Variants in TBC1D5 observed in about 807,000 individuals in gnomAD.
The protein encoded by TBC1D5 is TBC1 domain family member 5.
A neutral mutation model predicts 100.3 loss-of-function variants in TBC1D5; 75 were observed. The ratio of observed to expected loss-of-function variants is 0.75; its 90% CI spans 0.62 to 0.91. The LOEUF (loss-of-function observed/expected upper bound fraction) is 0.91. Among genes scored for constraint, TBC1D5 ranks in the 40% least tolerant of loss-of-function variants. TBC1D5 has a pLI of 0.00. For synonymous variants in TBC1D5, 323 were observed against 325.6 expected (o/e 0.99, Z 0.09); for missense variants, 910 against 942.4 (o/e 0.97, Z 0.45).
At chr3:17,401,250 TA>T (rs1457912087) in intron 8 of TBC1D5, among the ~76,000 whole-genome samples, 1 of 150,030 alleles carries the variant, frequency 6.7e-6, no homozygotes, top group African/African-American at 2.4e-5. Context: ...TGTATGTGTA[TA>T]ATATACATAT....
intron 3 of TBC1D5, among the ~76,000 whole-genome samples, chr3:17,480,282 G>T (rs1008074439): frequency 4.6e-5 from 7 of 152,190 alleles, no homozygotes; most frequent in Non-Finnish European, 8.8e-5. Context: ...ATGACATGCT[G>T]ATGGTGGCAG....
rs9869511 is a variant in TBC1D5 at position 17,705,653 on chromosome 3, G to A, written c.-101+33690C>T. Reference sequence around the variant, plus strand: ...GCTCCCCACATCTCAGACGATGGGCGGCCGGGCAGAGACGCTCCTCACTTC... The same window carrying A: ...GCTCCCCACATCTCAGACGATGGGCAGCCGGGCAGAGACGCTCCTCACTTC... On this transcript the variant is annotated intron_variant, in intron 1 of 21. Coordinates refer to ENST00000253692, the Ensembl canonical transcript of TBC1D5. Among the ~76,000 whole-genome samples, 110 of 134,594 alleles carry A rather than the reference G, an allele frequency of 8.2e-4. 1 individual carries two copies. The highest frequency in any genetic ancestry group is 2.8e-3 in the African/African-American group (99 of 35,960). 88.3% of individuals were successfully genotyped at this position (134,594 alleles called of 152,430 possible). A position where few individuals can be genotyped will look rare whatever the true frequency, so the allele number is the denominator to read the frequency against.
chr3:17,636,531 C>G (rs1418202972), intron 1 of TBC1D5, among the ~76,000 whole-genome samples: 1 of 152,176 alleles, frequency 6.6e-6, no homozygotes, highest in Non-Finnish European at 1.5e-5. Flanking sequence ...GTGGCTCACG[C>G]CTGTAATCCC....
chr3:17,387,232 T>G (rs951205533), intron 8 of TBC1D5, among the ~76,000 whole-genome samples: 2 of 152,112 alleles, frequency 1.3e-5, no homozygotes, highest in African/African-American at 4.8e-5. Flanking sequence ...GCTGAGTCTT[T>G]GGAGATTATC....
chr3:17,172,547 A>G (rs990274819), intron 19 of TBC1D5, among the ~76,000 whole-genome samples: 2 of 152,202 alleles, frequency 1.3e-5, no homozygotes, highest in Admixed American at 1.3e-4. Context: ...ACTCTTTATA[A>G]TCTCCTCACA....
rs147726203 is a variant in TBC1D5 at position 17,492,181 on chromosome 3, A to G, written c.97+16293T>C. On this transcript the variant is annotated intron_variant, in intron 3 of 21. Transcript: ENST00000253692. Reference sequence around the variant, plus strand: ...TTTTATTGTCTCTGTTTTCTTCTCTATTAGTCTAGCTAGCAGTCTATCTAT... The same window carrying G: ...TTTTATTGTCTCTGTTTTCTTCTCTGTTAGTCTAGCTAGCAGTCTATCTAT... 2.6e-3 allele frequency among the ~76,000 whole-genome samples: 397 copies of G among 151,928 alleles called. 2 individuals carry two copies. Among genetic ancestry groups the G allele is most frequent in the African/African-American group, 8.8e-3 (365 of 41,470 alleles).
chr3:17,449,626 G>A (rs1287366949), intron 3 of TBC1D5, among the ~76,000 whole-genome samples: 3 of 152,146 alleles, frequency 2.0e-5, no homozygotes, highest in African/African-American at 4.8e-5. Flanking sequence ...CAGTAAGTTC[G>A]AACTGGGAAC....
intron 1 of TBC1D5, among the ~76,000 whole-genome samples, chr3:17,674,943 G>A (rs1298972977): frequency 6.6e-6 from 1 of 152,084 alleles, no homozygotes; most frequent in Admixed American, 6.6e-5. Flanking sequence ...GAAAATACGT[G>A]AACATAGAAT....
At chr3:17,667,302 G>A (rs2067372577) in intron 1 of TBC1D5, among the ~76,000 whole-genome samples, 1 of 152,060 alleles carries the variant, frequency 6.6e-6, no homozygotes, top group African/African-American at 2.4e-5. Flanking sequence ...TTATAAAAAT[G>A]AAGTCAGTAA....
chr3:17,613,108 T>A (rs1242716281), intron 2 of TBC1D5, among the ~76,000 whole-genome samples: 1 of 152,168 alleles, frequency 6.6e-6, no homozygotes, highest in Non-Finnish European at 1.5e-5. Context: ...ATTGTTCAAT[T>A]CCCACCTATG....
intron 2 of TBC1D5, among the ~76,000 whole-genome samples, chr3:17,622,166 A>G (rs1056573062): frequency 3.3e-5 from 5 of 152,166 alleles, no homozygotes; most frequent in Non-Finnish European, 7.4e-5. Context: ...TCAGATTCTC[A>G]TAAGGAATGA....
intron 2 of TBC1D5, among the ~76,000 whole-genome samples, chr3:17,539,909 G>A (rs1457396191): frequency 6.6e-6 from 1 of 152,092 alleles, no homozygotes; most frequent in Non-Finnish European, 1.5e-5. Flanking sequence ...TATTTATAAG[G>A]AGCCACCATA....
intron 18 of TBC1D5, among the ~76,000 whole-genome samples, chr3:17,201,188 T>C (rs2071416650): frequency 6.6e-6 from 1 of 152,240 alleles, no homozygotes; most frequent in Non-Finnish European, 1.5e-5. Flanking sequence ...ACTTAAAGCA[T>C]GCCTTTAATT....
intron 1 of TBC1D5, among the ~76,000 whole-genome samples, chr3:17,686,807 A>C (rs1000066758): frequency 2.0e-5 from 3 of 152,160 alleles, no homozygotes; most frequent in Non-Finnish European, 4.4e-5. Flanking sequence ...TGTCACAACT[A>C]GGGAGAATTA....
intron 8 of TBC1D5, among the ~76,000 whole-genome samples, chr3:17,384,246 A>T (rs921052): frequency 1.3e-5 from 2 of 151,912 alleles, no homozygotes; most frequent in Non-Finnish European, 1.5e-5. Flanking sequence ...AAATTTTTTC[A>T]CATGCTTCAT....
chr3:17,184,359 AAAT>A (rs1193656323), intron 19 of TBC1D5, among the ~76,000 whole-genome samples: 1 of 152,228 alleles, frequency 6.6e-6, no homozygotes. Context: ...AGAATTGTCA[AAAT>A]AATAATCACA....
intron 13 of TBC1D5, among the ~76,000 whole-genome samples, chr3:17,348,471 G>A (rs1302457326): frequency 2.6e-5 from 4 of 152,120 alleles, no homozygotes; most frequent in East Asian, 1.9e-4. Context: ...GCTGGTCCTC[G>A]CACTACACTC....
intron 1 of TBC1D5, among the ~76,000 whole-genome samples, chr3:17,730,007 A>T (rs2076428485): frequency 6.6e-6 from 1 of 152,046 alleles, no homozygotes; most frequent in Non-Finnish European, 1.5e-5. Flanking sequence ...GCTACTCAGG[A>T]GGCCGAGGCA....
intron 1 of TBC1D5, among the ~76,000 whole-genome samples, chr3:17,643,522 G>C (rs951689061): frequency 1.3e-5 from 2 of 151,974 alleles, no homozygotes; most frequent in Non-Finnish European, 2.9e-5. Flanking sequence ...TTACGGTGGT[G>C]TTTGCCTCAT....
Sources: gnomAD v4.1 joint callset for allele counts (sites outside exome capture counted in the v4.1 genomes callset) on GRCh38, gnomAD v4.1.1 for gene constraint, MANE v1.5 for transcripts, NCBI Gene and HGNC (gene_info 2026-07-23, HGNC 2026-07-21) for gene names.